PMFBP1: variants seen among roughly 807,000 people sequenced by gnomAD.
PMFBP1 encodes the protein polyamine modulated factor 1 binding protein 1, also known as polyamine-modulated factor 1-binding protein 1.
A neutral mutation model predicts 137.8 loss-of-function variants in PMFBP1; 131 were observed. The observed-to-expected ratio is 0.95, with a 90% CI of 0.82 to 1.10. The LOEUF (loss-of-function observed/expected upper bound fraction) is 1.10, where lower values mean the gene tolerates loss of function less well. PMFBP1 is among the 50% of genes least tolerant of loss of function. PMFBP1 has a pLI of 0.00. For synonymous variants in PMFBP1, 490 were observed against 450.4 expected, an observed-to-expected ratio of 1.09 and a Z score of -1.11; for missense variants, 1,199 against 1,175.4, an observed-to-expected ratio of 1.02 and a Z score of -0.29.
chr16:72,166,748 G>A (rs375298492), intron 2 of PMFBP1, among the ~76,000 whole-genome samples: 3 of 152,220 alleles, frequency 2.0e-5, no homozygotes, highest in East Asian at 3.8e-4. Context: ...AAGCTGGGCT[G>A]TCAAACTCAG....
At chr16:72,201,578 A>C in the PMFBP1 span, among the ~76,000 whole-genome samples, 2 of 152,200 alleles carry the variant, frequency 1.3e-5, no homozygotes, top group African/African-American at 4.8e-5. Flanking sequence ...GCTCCAAAAC[A>C]AATAACAAAG....
chr16:72,131,601 A>T (rs763505281), intron 10 of PMFBP1, among the ~76,000 whole-genome samples: 1 of 152,096 alleles, frequency 6.6e-6, no homozygotes, highest in Non-Finnish European at 1.5e-5. Context: ...TCACTGAGGA[A>T]CGAGTAAGAA....
At chr16:72,157,552 C>A (rs1567638466) in intron 3 of PMFBP1, among the ~76,000 whole-genome samples, 1 of 151,854 alleles carries the variant, frequency 6.6e-6, no homozygotes, top group African/African-American at 2.4e-5. Context: ...GGAGCAGAGA[C>A]AGTAAGGGGG....
chr16:72,164,001 C>A (rs1375147202), intron 3 of PMFBP1, among the ~76,000 whole-genome samples: 3 of 150,656 alleles, frequency 2.0e-5, no homozygotes, highest in Non-Finnish European at 4.4e-5. Context: ...GCACCAAAAT[C>A]TCACAAATCA....
At chr16:72,196,062 A>G in the PMFBP1 span, among the ~76,000 whole-genome samples, 1 of 151,736 alleles carries the variant, frequency 6.6e-6, no homozygotes, top group South Asian at 2.1e-4. Flanking sequence ...AGAGAGAGAG[A>G]AGGAGCTTTC....
intron 3 of PMFBP1, among the ~76,000 whole-genome samples, chr16:72,162,506 A>C (rs2043078403): frequency 6.6e-6 from 1 of 152,250 alleles, no homozygotes; most frequent in African/African-American, 2.4e-5. Flanking sequence ...GTTAGAGAGT[A>C]GTCAGAATTT....
In PMFBP1 at chr16:72,154,380, T is replaced by A. The variant is rs1237603953; in HGVS notation, c.245A>T (p.Gln82Leu). ...FGSSKQCHLRQLQQLKKKLLV... is the reference protein window; with the variant it reads ...FGSSKQCHLRLLQQLKKKLLV... ...CAATTTTTTCTTCAGTTGCTGGAGT[T>A]GTCTCAGATGACACTGTTTACTGGA... Residue 82 changes from glutamine to leucine, a missense_variant, in exon 4 of 21, where the codon CAA becomes CTA. Transcript: ENST00000237353. The A allele has an allele frequency of 6.2e-7, 1 of 1,614,196 alleles. No homozygotes were observed. Among genetic ancestry groups the A allele is most frequent in the Non-Finnish European group, 8.5e-7 (1 of 1,180,026 alleles).
At chr16:72,142,753 T>C (rs1438676208) in intron 5 of PMFBP1, among the ~76,000 whole-genome samples, 1 of 152,156 alleles carries the variant, frequency 6.6e-6, no homozygotes, top group Admixed American at 6.5e-5. Context: ...AGCATAGTAA[T>C]GAGAAACAGC....
chr16:72,150,964 G>A (rs1357136590), intron 4 of PMFBP1, 135 bp from the exon 5 acceptor site: 1 of 738,860 alleles, frequency 1.4e-6, no homozygotes, highest in East Asian at 2.6e-5. Context: ...AGGCTGCACA[G>A]ATCTAAAAGC....
At chr16:72,196,406 C>G in the PMFBP1 span, among the ~76,000 whole-genome samples, 2 of 152,162 alleles carry the variant, frequency 1.3e-5, no homozygotes, top group African/African-American at 4.8e-5. Context: ...TTCTTTAACA[C>G]TGCCATCTTT....
At chr16:72,171,546 C>T (rs76342231) in intron 1 of PMFBP1, 7,488 of 333,720 alleles carry the variant, frequency 0.022, 112 homozygotes, top group South Asian at 0.031. Context: ...AAGTCTGAAT[C>T]GAGTTTACTT....
At chr16:72,138,025 C>A (rs754019618) in intron 7 of PMFBP1, among the ~76,000 whole-genome samples, 2 of 151,720 alleles carry the variant, frequency 1.3e-5, no homozygotes. Context: ...CCCCAGGGAG[C>A]GTGAGGGCTT....
chr16:72,140,602 T>C lies in PMFBP1; in HGVS notation c.637-20A>G, dbSNP rs1192282466. On this transcript the variant is annotated intron_variant, in intron 5 of 20. Transcript: ENST00000237353. ...AGGCTCCTGAGAGATTTAAAAATAATGGGTTGATTTTGCTTATAGTTTGTG... is the reference window on the plus strand; with the variant it reads ...AGGCTCCTGAGAGATTTAAAAATAACGGGTTGATTTTGCTTATAGTTTGTG... 6 of 1,604,540 alleles carry C rather than the reference T, an allele frequency of 3.7e-6. No individual in the cohort carries two copies. The African/African-American group carries it at 5.4e-5, about 14-fold the overall frequency.
intron 2 of PMFBP1, among the ~76,000 whole-genome samples, chr16:72,165,539 C>T (rs2043132993): frequency 1.3e-5 from 2 of 152,072 alleles, no homozygotes; most frequent in South Asian, 4.2e-4. Flanking sequence ...CTGCCTCAGC[C>T]TCCTGAGTAG....
the PMFBP1 span, among the ~76,000 whole-genome samples, chr16:72,213,635 C>A: frequency 3.3e-5 from 5 of 152,118 alleles, no homozygotes; most frequent in East Asian, 9.6e-4. Flanking sequence ...GTTAGAGGAC[C>A]CAGCTAATCC....
At chr16:72,132,656 G>A in intron 10 of PMFBP1, 92 bp downstream of exon 10, 2 of 1,570,154 alleles carry the variant, frequency 1.3e-6, no homozygotes, top group Non-Finnish European at 1.7e-6. Context: ...AGGGCGAGGG[G>A]AAGTGGCCAC....
the PMFBP1 span, among the ~76,000 whole-genome samples, chr16:72,228,806 A>G: frequency 6.7e-6 from 1 of 150,148 alleles, no homozygotes; most frequent in African/African-American, 2.4e-5. Flanking sequence ...AGATGAGTAC[A>G]ATATTTTTCT....
At chr16:72,193,026 C>T in the PMFBP1 span, among the ~76,000 whole-genome samples, 2 of 151,760 alleles carry the variant, frequency 1.3e-5, no homozygotes, top group Non-Finnish European at 2.9e-5. Flanking sequence ...CTATATAATA[C>T]ATAACAATTA....
the PMFBP1 span, among the ~76,000 whole-genome samples, chr16:72,209,824 G>A: frequency 6.6e-6 from 1 of 152,104 alleles, no homozygotes; most frequent in African/African-American, 2.4e-5. Context: ...CTGGCTATTT[G>A]GCCATGGGAG....
Sources: gnomAD v4.1 joint callset for allele counts (sites outside exome capture counted in the v4.1 genomes callset) on GRCh38, gnomAD v4.1.1 for gene constraint, MANE v1.5 for transcripts, NCBI Gene and HGNC (gene_info 2026-07-23, HGNC 2026-07-21) for gene names.